The following DPP10 variants were observed in gnomAD, a reference collection of about 807,000 sequenced individuals.
DPP10 encodes dipeptidyl peptidase like 10.
Under a neutral mutation model 120.9 loss-of-function variants are expected in DPP10, and 33 were observed. That is an observed-to-expected ratio of 0.27 (90% CI 0.21 to 0.37). The LOEUF (loss-of-function observed/expected upper bound fraction) is 0.37. Ranked by LOEUF, DPP10 falls within the 10% of genes least tolerant of loss-of-function variation. The pLI is 1.00. For synonymous variants in DPP10, 337 were observed against 326.1 expected, an observed-to-expected ratio of 1.03 and a Z score of -0.36; for missense variants, 816 against 942.8, an observed-to-expected ratio of 0.87 and a Z score of 1.76.
At chr2:114,861,620 C>A (rs1242058492) in intron 1 of DPP10, among the ~76,000 whole-genome samples, 1 of 152,002 alleles carries the variant, frequency 6.6e-6, no homozygotes. Flanking sequence ...CACAGGAAAA[C>A]AATAAACAAT....
At chr2:115,724,172 A>G (rs905508724) in intron 7 of DPP10, among the ~76,000 whole-genome samples, 3 of 152,208 alleles carry the variant, frequency 2.0e-5, no homozygotes, top group African/African-American at 7.2e-5. Context: ...TTGTAACTGC[A>G]TTCCAACTCA....
chr2:114,735,163 A>G (rs996357813), intron 1 of DPP10, among the ~76,000 whole-genome samples: 13 of 152,192 alleles, frequency 8.5e-5, no homozygotes, highest in African/African-American at 2.7e-4. Flanking sequence ...CAACATACGA[A>G]TTTTAGGGAG....
chr2:115,560,381 A>G (rs1250867599), intron 5 of DPP10, among the ~76,000 whole-genome samples: 1 of 33,154 alleles, frequency 3.0e-5, no homozygotes, highest in African/African-American at 1.2e-4. Flanking sequence ...AAAAAAAAAA[A>G]AAAAAAAAAA....
chr2:114,799,550 G>GA (rs1437464319), intron 1 of DPP10, among the ~76,000 whole-genome samples: 5 of 152,102 alleles, frequency 3.3e-5, no homozygotes, highest in Non-Finnish European at 5.9e-5. Context: ...TTTAGGCTGG[G>GA]AAAAAATAGA....
intron 1 of DPP10, among the ~76,000 whole-genome samples, chr2:114,690,464 C>T (rs1047908718): frequency 6.6e-6 from 1 of 151,998 alleles, no homozygotes; most frequent in African/African-American, 2.4e-5. Flanking sequence ...GTACCCGTAC[C>T]ATGCTGTTTT....
chr2:115,538,704 G>A (rs1253900600), intron 5 of DPP10, among the ~76,000 whole-genome samples: 1 of 151,952 alleles, frequency 6.6e-6, no homozygotes, highest in Non-Finnish European at 1.5e-5. Context: ...AATTCAGGCT[G>A]TCACATTAAC....
chr2:115,070,015 A>G (rs1441695898), intron 1 of DPP10, among the ~76,000 whole-genome samples: 1 of 152,098 alleles, frequency 6.6e-6, no homozygotes, highest in Admixed American at 6.5e-5. Context: ...TTTAAATAAA[A>G]TAGATTTAAA....
chr2:115,311,105 G>A (rs1047817129), intron 2 of DPP10, among the ~76,000 whole-genome samples: 2 of 152,090 alleles, frequency 1.3e-5, no homozygotes, highest in African/African-American at 2.4e-5. Flanking sequence ...AGTTCATTTT[G>A]TCCTGCACTT....
intron 5 of DPP10, among the ~76,000 whole-genome samples, chr2:115,567,278 C>T (rs961682282): frequency 1.8e-4 from 27 of 152,058 alleles, no homozygotes; most frequent in African/African-American, 6.5e-4. Flanking sequence ...GGAATTGTCA[C>T]CGCTTCTCAC....
intron 1 of DPP10, among the ~76,000 whole-genome samples, chr2:115,109,517 A>G (rs1165432671): frequency 6.6e-6 from 1 of 151,244 alleles, no homozygotes; most frequent in Non-Finnish European, 1.5e-5. Flanking sequence ...GCCTGGCAAC[A>G]GAGCGAGACT....
At chr2:115,777,330 C>A in intron 14 of DPP10, 31 bp downstream of exon 14, 2 of 1,580,160 alleles carry the variant, frequency 1.3e-6, no homozygotes, top group Non-Finnish European at 1.7e-6. Flanking sequence ...AGTCAGGCTG[C>A]AAGTTAGCGT....
chr2:114,882,890 A>G (rs1197429924), intron 1 of DPP10, among the ~76,000 whole-genome samples: 1 of 152,230 alleles, frequency 6.6e-6, no homozygotes, highest in Non-Finnish European at 1.5e-5. Flanking sequence ...GATGCCAAGC[A>G]TTCACAATTT....
At chr2:114,549,877 T>A (rs1447794466) in intron 1 of DPP10, among the ~76,000 whole-genome samples, 1 of 151,892 alleles carries the variant, frequency 6.6e-6, no homozygotes, top group African/African-American at 2.4e-5. Flanking sequence ...TCCCATTTCA[T>A]ACACAGGCAG....
chr2:114,922,596 G>C (rs572891739), intron 1 of DPP10, among the ~76,000 whole-genome samples: 3 of 152,204 alleles, frequency 2.0e-5, no homozygotes, highest in African/African-American at 4.8e-5. Context: ...ACAGGTGTGA[G>C]CTACAGTGCC....
chr2:115,665,629 A>G (rs1305421525), intron 5 of DPP10, among the ~76,000 whole-genome samples: 1 of 152,132 alleles, frequency 6.6e-6, no homozygotes, highest in Non-Finnish European at 1.5e-5. Flanking sequence ...TATTCATTTT[A>G]TGTATCTTGC....
chr2:115,385,262 A>G (rs1209109843), intron 3 of DPP10, among the ~76,000 whole-genome samples: 1 of 152,154 alleles, frequency 6.6e-6, no homozygotes, highest in Non-Finnish European at 1.5e-5. Flanking sequence ...AGAGAGGCCA[A>G]GATGAATCTG....
rs2150150565 is a variant in DPP10 at position 115,845,569 on chromosome 2, T to C, written c.*3224T>C. ...TACCCTTCTATTTTCCTCTTCCCCA[T>C]TTCACTCTTTTAAGCTCCCTACTCC... On this transcript the variant is annotated 3_prime_UTR_variant, in exon 26 of 26. Transcript: ENST00000410059. The C allele has an allele frequency of 6.6e-6, 1 of 152,314 alleles. No individual in the cohort carries two copies. The allele number at this position is 152,314 out of a possible 1,614,324, so 9.4% of individuals were successfully genotyped here.
At chr2:114,514,996 C>T (rs746585590) in intron 1 of DPP10, among the ~76,000 whole-genome samples, 3 of 152,150 alleles carry the variant, frequency 2.0e-5, no homozygotes, top group African/African-American at 4.8e-5. Flanking sequence ...ATACAGCATG[C>T]TTCAGTACAG....
At chr2:115,631,084 G>A (rs1247491196) in intron 5 of DPP10, among the ~76,000 whole-genome samples, 1 of 128,118 alleles carries the variant, frequency 7.8e-6, no homozygotes, top group Non-Finnish European at 1.5e-5. Flanking sequence ...CTATTAATTA[G>A]TGTCTCAATT....
Sources: allele counts gnomAD v4.1 joint callset (sites outside exome capture counted in the v4.1 genomes callset), GRCh38; gene constraint gnomAD v4.1.1; transcripts MANE v1.5; gene names NCBI Gene and HGNC (gene_info 2026-07-23, HGNC 2026-07-21).